Variants in LAMC3 observed in about 807,000 individuals in gnomAD.
The protein encoded by LAMC3 is laminin subunit gamma 3.
In LAMC3, 128 loss-of-function variants were observed where a neutral mutation model predicts 173.8. That is an observed-to-expected ratio of 0.74 (90% CI 0.64 to 0.85). The LOEUF (loss-of-function observed/expected upper bound fraction) is 0.85, where lower values mean the gene tolerates loss of function less well. Among genes scored for constraint, LAMC3 ranks in the 40% least tolerant of loss-of-function variants. The pLI is 0.00. For missense variants in LAMC3, 2,022 were observed against 2,156.0 expected, an observed-to-expected ratio of 0.94 and a Z score of 1.23; for synonymous variants, 897 against 909.1, an observed-to-expected ratio of 0.99 and a Z score of 0.24.
intron 24 of LAMC3, among the ~76,000 whole-genome samples, chr9:131,084,938 CAA>C (rs35487130): frequency 1.9e-3 from 236 of 123,666 alleles, no homozygotes; most frequent in Middle Eastern, 8.3e-3. Flanking sequence ...GACCTTGTCT[CAA>C]AAAAAAAAAA....
chr9:131,036,974 G>A (rs1833957652), intron 4 of LAMC3, among the ~76,000 whole-genome samples: 1 of 152,264 alleles, frequency 6.6e-6, no homozygotes, highest in South Asian at 2.1e-4. Context: ...GCTGCTGGCA[G>A]GAGACACATC....
At chr9:131,091,208 C>T (rs1160160838) in intron 27 of LAMC3, among the ~76,000 whole-genome samples, 1 of 152,228 alleles carries the variant, frequency 6.6e-6, no homozygotes, top group East Asian at 1.9e-4. Context: ...GGGCCTTTCT[C>T]CCACACTGTT....
chr9:131,012,290 C>A (rs895066987), intron 1 of LAMC3, among the ~76,000 whole-genome samples: 3 of 152,172 alleles, frequency 2.0e-5, no homozygotes, highest in Non-Finnish European at 4.4e-5. Context: ...TGGACTTAGG[C>A]CCAGCAGAGC....
chr9:131,066,291 G>A (rs891559993), intron 13 of LAMC3, among the ~76,000 whole-genome samples: 1 of 151,868 alleles, frequency 6.6e-6, no homozygotes, highest in East Asian at 1.9e-4. Flanking sequence ...AGAAGTTTGA[G>A]ACTAGCTGGG....
At chr9:131,040,887 GT>G (rs1834039017) in intron 6 of LAMC3, among the ~76,000 whole-genome samples, 1 of 152,194 alleles carries the variant, frequency 6.6e-6, no homozygotes, top group African/African-American at 2.4e-5. Flanking sequence ...CAGGGTCTGC[GT>G]GATCTGTCTG....
intron 8 of LAMC3, among the ~76,000 whole-genome samples, chr9:131,046,346 G>C (rs570739378): frequency 1.3e-5 from 2 of 151,138 alleles, no homozygotes; most frequent in South Asian, 4.2e-4. Context: ...AGGACCACAG[G>C]TGTGCACCAC....
intron 25 of LAMC3, 75 bp from the exon 26 acceptor site, chr9:131,087,401 C>A (rs1830349708): frequency 6.4e-7 from 1 of 1,556,222 alleles, no homozygotes; most frequent in Non-Finnish European, 8.9e-7. Flanking sequence ...GGCATCATTG[C>A]CATAAGAGCT....
At chr9:131,013,150 C>G (rs1007144336) in intron 1 of LAMC3, among the ~76,000 whole-genome samples, 2 of 152,250 alleles carry the variant, frequency 1.3e-5, no homozygotes, top group African/African-American at 2.4e-5. Flanking sequence ...GACAGCAAAA[C>G]TGAGGCACTG....
intron 9 of LAMC3, among the ~76,000 whole-genome samples, chr9:131,051,243 C>A (rs930649869): frequency 7.2e-5 from 11 of 152,064 alleles, no homozygotes; most frequent in Non-Finnish European, 1.5e-4. Flanking sequence ...TTTTCCCCTG[C>A]AGTTTTGCCC....
intron 25 of LAMC3, among the ~76,000 whole-genome samples, chr9:131,086,291 T>C (rs1014972892): frequency 6.6e-6 from 1 of 152,104 alleles, no homozygotes; most frequent in African/African-American, 2.4e-5. Flanking sequence ...TTGGCCAGGC[T>C]GGTCTCGAAC....
rs748983315 is a variant in LAMC3, at chr9:131,036,250, C to T, written c.894C>T (p.Gly298=). 1.2e-6 allele frequency: 2 copies of T among 1,613,266 alleles called. No individual in the cohort carries two copies. The highest frequency in any genetic ancestry group is 1.7e-6 in the Non-Finnish European group (2 of 1,179,880). ...LACRCQHNTT[G]TDCERCLPFF... is the part of the protein sequence containing the mutation. ...GCCGGTGCCAGCACAACACCACCGG[C>T]ACAGACTGTGAGCGCTGCCTGCCCT... is the stretch of plus-strand genomic sequence containing the variant. Residue 298 remains glycine, a synonymous_variant, in exon 4 of 28, where the codon GGC becomes GGT. Coordinates refer to ENST00000361069, the MANE Select transcript of LAMC3 (RefSeq NM_006059.4).
chr9:131,059,579 G>T (rs1829768083), intron 12 of LAMC3, among the ~76,000 whole-genome samples: 1 of 145,766 alleles, frequency 6.9e-6, no homozygotes, highest in Non-Finnish European at 1.5e-5. Context: ...GCCACATACA[G>T]GGCACTCTGT....
chr9:131,020,576 G>A (rs2133216388), intron 1 of LAMC3, among the ~76,000 whole-genome samples: 1 of 152,356 alleles, frequency 6.6e-6, no homozygotes, highest in Non-Finnish European at 1.5e-5. Flanking sequence ...GAAGGATTCT[G>A]AGGTACAGTC....
chr9:131,083,772 G>A (rs1830281542), intron 24 of LAMC3, among the ~76,000 whole-genome samples: 1 of 151,446 alleles, frequency 6.6e-6, no homozygotes, highest in African/African-American at 2.4e-5. Flanking sequence ...TCTAATTTCT[G>A]GATGGAACAA....
chr9:131,077,024 G>T (rs1830140149), intron 21 of LAMC3, among the ~76,000 whole-genome samples, 163 bp from the exon 22 acceptor site: 1 of 152,260 alleles, frequency 6.6e-6, no homozygotes, highest in Non-Finnish European at 1.5e-5. Flanking sequence ...AAGCTTCAGA[G>T]AAGCAGCCAC....
At chr9:131,064,757 C>T (rs189457244) in intron 13 of LAMC3, among the ~76,000 whole-genome samples, 3 of 151,946 alleles carry the variant, frequency 2.0e-5, no homozygotes, top group African/African-American at 2.4e-5. Context: ...TGTGAGCAGC[C>T]GGGCGTGGTG....
At chr9:131,045,961 C>A (rs960608433) in intron 8 of LAMC3, among the ~76,000 whole-genome samples, 1 of 152,168 alleles carries the variant, frequency 6.6e-6, no homozygotes, top group Non-Finnish European at 1.5e-5. Context: ...GACTGGCCTC[C>A]CTTGGTGTGT....
chr9:131,019,527 A>G (rs1313029249), intron 1 of LAMC3, among the ~76,000 whole-genome samples: 1 of 152,178 alleles, frequency 6.6e-6, no homozygotes, highest in Non-Finnish European at 1.5e-5. Flanking sequence ...GGAAGTCATG[A>G]TCCCTGGATG....
intron 12 of LAMC3, among the ~76,000 whole-genome samples, chr9:131,060,268 C>T (rs1483821368): frequency 6.6e-6 from 1 of 152,138 alleles, no homozygotes; most frequent in African/African-American, 2.4e-5. Flanking sequence ...CCTTTTGGTC[C>T]CTTGGCATCA....
Sources: allele counts gnomAD v4.1 joint callset (sites outside exome capture counted in the v4.1 genomes callset), GRCh38; gene constraint gnomAD v4.1.1; transcripts MANE v1.5; gene names NCBI Gene and HGNC (gene_info 2026-07-23, HGNC 2026-07-21).